The following KIF27 variants were observed in gnomAD, a reference collection of about 807,000 sequenced individuals.
The protein encoded by KIF27 is kinesin-like protein KIF27.
A neutral mutation model predicts 141.8 loss-of-function variants in KIF27; 84 were observed. The ratio of observed to expected loss-of-function variants is 0.59; its 90% CI spans 0.50 to 0.71. The LOEUF (loss-of-function observed/expected upper bound fraction) is 0.71. Ranked by LOEUF, KIF27 falls within the 30% of genes least tolerant of loss-of-function variation. The pLI is 0.00. For synonymous variants in KIF27, 471 were observed against 569.5 expected, an observed-to-expected ratio of 0.83 and a Z score of 2.46; for missense variants, 1,306 against 1,628.4, an observed-to-expected ratio of 0.80 and a Z score of 3.41.
At chr9:83,848,438 T>TATATC (rs1159330671) in intron 16 of KIF27, among the ~76,000 whole-genome samples, 11 of 106,624 alleles carry the variant, frequency 1.0e-4, no homozygotes, top group Admixed American at 2.7e-4. Context: ...CTATATATCA[T>TATATC]ATATGCTATA....
At chr9:83,874,388 C>A (rs1220060893) in intron 11 of KIF27, among the ~76,000 whole-genome samples, 1 of 152,148 alleles carries the variant, frequency 6.6e-6, no homozygotes, top group East Asian at 1.9e-4. Context: ...TGAAGAGAAC[C>A]TATGCAGAAG....
At position 83,836,960 on chromosome 9, in the gene KIF27, A is replaced by G. The variant is rs768041763; in HGVS notation, c.*41T>C. ...TAGTTTTTAACAGGTTAGAAAAAGG[A>G]ATCTTTTTACATATCTACTAAAAGT... is the stretch of plus-strand genomic sequence containing the variant. On this transcript the variant is annotated 3_prime_UTR_variant, in exon 18 of 18. Coordinates refer to ENST00000297814, the MANE Select transcript of KIF27 (RefSeq NM_017576.4). The G allele has an allele frequency of 3.2e-6, 5 of 1,570,546 alleles. No homozygotes were observed. In the Admixed American group the frequency reaches 9.9e-5, roughly 31 times the overall value.
chr9:83,882,236 C>A (rs993506683), intron 10 of KIF27, among the ~76,000 whole-genome samples: 15 of 152,010 alleles, frequency 9.9e-5, no homozygotes, highest in Non-Finnish European at 1.9e-4. Context: ...GTGGCAGGCA[C>A]CTGTAATCCC....
Position 83,888,405 on chromosome 9 carries a change from G to A in KIF27, c.2083+84C>T, listed in dbSNP as rs1182063424. ...CAAATTCTGGTCTTTGAGAATTCCT[G>A]GATGTTTCTTAAATTATCAACTGAG... On this transcript the variant is annotated intron_variant, in intron 8 of 17. Coordinates refer to ENST00000297814, the MANE Select transcript of KIF27 (RefSeq NM_017576.4). The A allele has an allele frequency of 1.8e-5, 10 of 554,832 alleles. No individual in the cohort carries two copies. In the Admixed American group the frequency reaches 3.5e-4, roughly 19 times the overall value. 34.4% of individuals were successfully genotyped at this position (554,832 alleles called of 1,614,324 possible). A position where few individuals can be genotyped will look rare whatever the true frequency, so the allele number is the denominator to read the frequency against.
intron 14 of KIF27, among the ~76,000 whole-genome samples, chr9:83,855,924 A>G (rs1255491041): frequency 6.6e-6 from 1 of 152,232 alleles, no homozygotes; most frequent in Non-Finnish European, 1.5e-5. Context: ...TAGTGTGAAT[A>G]TAGAAACCCA....
At chr9:83,859,131 C>G (rs1588035321) in intron 14 of KIF27, 25 bp downstream of exon 14, 1 of 1,432,544 alleles carries the variant, frequency 7.0e-7, no homozygotes, top group East Asian at 2.3e-5. Context: ...TACAGCACCT[C>G]CAGTTCCAAA....
chr9:83,896,051 C>CAAAAAA (rs35504224), intron 5 of KIF27, among the ~76,000 whole-genome samples: 228 of 54,412 alleles, frequency 4.2e-3, no homozygotes, highest in Non-Finnish European at 5.1e-3. Flanking sequence ...GACTCTGTCT[C>CAAAAAA]AAAAAAAAAA....
intron 5 of KIF27, among the ~76,000 whole-genome samples, chr9:83,899,137 G>A (rs1205100106): frequency 1.3e-5 from 2 of 152,078 alleles, no homozygotes; most frequent in African/African-American, 4.8e-5. Context: ...AACTATTTGG[G>A]GTGATGGGAG....
intron 17 of KIF27, among the ~76,000 whole-genome samples, chr9:83,841,401 A>G (rs1946549427): frequency 6.6e-6 from 1 of 152,174 alleles, no homozygotes; most frequent in Non-Finnish European, 1.5e-5. Flanking sequence ...TTCAGCATAT[A>G]TCACTTCATT....
intron 14 of KIF27, among the ~76,000 whole-genome samples, chr9:83,854,617 C>T (rs1348610696): frequency 6.6e-6 from 1 of 152,060 alleles, no homozygotes; most frequent in Admixed American, 6.5e-5. Flanking sequence ...CCAGGCTGAA[C>T]TCAAAAGTCT....
Position 83,848,316 on chromosome 9 carries a change from CATATATCTATATATCT to C in KIF27, c.3556+1767_3556+1782del, listed in dbSNP as rs1249053361. 7.7e-5 allele frequency among the ~76,000 whole-genome samples: 8 copies of C among 103,970 alleles called. 1 individual carries two copies. The highest frequency in any genetic ancestry group is 3.9e-4 in the Admixed American group (4 of 10,246). 68.2% of individuals were successfully genotyped at this position (103,970 alleles called of 152,430 possible). ...ATCAGATATGATATATATGATATAT[CATATATCTATATATCT>C]ATATATATCTATGTATCTATATATA... On this transcript the variant is annotated intron_variant, in intron 16 of 17. Transcript: ENST00000297814.
chr9:83,903,451 A>G lies in KIF27; in HGVS notation c.1067T>C (p.Ile356Thr), dbSNP rs751530679. ...TTTAATCTCAAATTCCATTTCATCT[A>G]TACGGTCTGACTCGGGGCTGAAGTT... ...TVNFSPESDR[I>T]DEMEFEIKLL... is the part of the protein sequence containing the mutation. The change falls in exon 4 of 18, where the codon ATA becomes ACA. Residue 356 changes from isoleucine to threonine, a missense_variant. Physicochemically the swap from Ile to Thr is moderately conservative, Grantham distance 89 (BLOSUM62 -1). This residue lies in a region of KIF27 where 533 missense variants were observed against 565.6 expected (regional missense o/e 0.94). Transcript: ENST00000297814. The G allele has an allele frequency of 2.0e-5, 33 of 1,613,926 alleles. No homozygotes were observed. The highest frequency in any genetic ancestry group is 2.6e-5 in the Non-Finnish European group (31 of 1,180,026).
At chr9:83,841,939 G>A (rs907817312) in intron 17 of KIF27, among the ~76,000 whole-genome samples, 4 of 151,942 alleles carry the variant, frequency 2.6e-5, no homozygotes, top group Non-Finnish European at 5.9e-5. Context: ...TATAAAATAG[G>A]AAAACAACAG....
rs1015069754 is a variant in KIF27, at chr9:83,836,410, T to A, written c.*591A>T. On this transcript the variant is annotated 3_prime_UTR_variant, in exon 18 of 18. Coordinates refer to ENST00000297814, the MANE Select transcript of KIF27 (RefSeq NM_017576.4). ...CATAAAAGATAGCATTATAAATTTT[T>A]AAAAATCCAAAAAAATTCCAGAAAC... 1.3e-5 allele frequency among the ~76,000 whole-genome samples: 2 copies of A among 152,290 alleles called. No homozygotes were observed. The highest frequency in any genetic ancestry group is 2.9e-5 in the Non-Finnish European group (2 of 68,016).
At chr9:83,869,299 T>C (rs1950589315) in intron 12 of KIF27, among the ~76,000 whole-genome samples, 1 of 152,144 alleles carries the variant, frequency 6.6e-6, no homozygotes, top group Admixed American at 6.5e-5. Context: ...AAATTTAAAA[T>C]TTCAATTTCT....
chr9:83,842,548 C>T (rs1433295486), intron 16 of KIF27, 147 bp from the exon 17 acceptor site: 2 of 1,070,918 alleles, frequency 1.9e-6, no homozygotes, highest in Non-Finnish European at 2.5e-6. Context: ...TCACTGTAAG[C>T]TCCGCCTCCC....
At chr9:83,844,712 T>C (rs955039499) in intron 16 of KIF27, among the ~76,000 whole-genome samples, 7 of 152,156 alleles carry the variant, frequency 4.6e-5, no homozygotes, top group Non-Finnish European at 8.8e-5. Flanking sequence ...ATGAAGCTGG[T>C]TGGTTGCTCC....
chr9:83,875,363 C>T (rs1312820144), intron 11 of KIF27, among the ~76,000 whole-genome samples: 1 of 152,170 alleles, frequency 6.6e-6, no homozygotes, highest in Admixed American at 6.5e-5. Flanking sequence ...TGGAGAACTA[C>T]ATTTTTCCCC....
chr9:83,874,586 C>A (rs1429693156), intron 11 of KIF27, among the ~76,000 whole-genome samples: 2 of 152,042 alleles, frequency 1.3e-5, no homozygotes, highest in African/African-American at 4.8e-5. Context: ...TACCTGATAT[C>A]CCCCATAAAT....
Sources: gnomAD v4.1 joint callset for allele counts (sites outside exome capture counted in the v4.1 genomes callset) on GRCh38, gnomAD v4.1.1 for gene constraint, gnomAD v4.1.1 regional missense constraint, MANE v1.5 for transcripts, NCBI Gene and HGNC (gene_info 2026-07-23, HGNC 2026-07-21) for gene names.